Variants in VLDLR observed in about 807,000 individuals in gnomAD.
VLDLR encodes the protein very low density lipoprotein receptor.
VLDLR carries 81 observed loss-of-function variants against 112.7 expected under a neutral mutation model. The observed-to-expected ratio is 0.72, with a 90% CI of 0.60 to 0.86. The LOEUF is 0.86. Ranked by LOEUF, VLDLR falls within the 40% of genes least tolerant of loss-of-function variation. VLDLR has a pLI of 0.00. For synonymous variants in VLDLR, 436 were observed against 384.8 expected (o/e 1.13, Z -1.56); for missense variants, 1,237 against 1,099.4 (o/e 1.13, Z -1.77).
At position 2,645,080 on chromosome 9, in the gene VLDLR, T is replaced by C; in HGVS notation, c.1310T>C (p.Val437Ala). The C allele has an allele frequency of 6.2e-7, 1 of 1,614,140 alleles. No homozygotes were observed. Among genetic ancestry groups the C allele is most frequent in the Non-Finnish European group, 8.5e-7 (1 of 1,180,018 alleles). Residue 437 changes from valine (V) to alanine (A), a missense_variant and splice_region_variant, in exon 9 of 19, where the codon GTA (valine) becomes GCA (alanine). Val to Ala is a moderately conservative substitution (Grantham distance 64). Transcript: ENST00000382100. Reference sequence around the variant, plus strand: ...CTTGCTACTGGCGTGTGCAAGGCAGTAGGTAAATGAACTTGGACTGGTATG... The same window carrying C: ...CTTGCTACTGGCGTGTGCAAGGCAGCAGGTAAATGAACTTGGACTGGTATG... ...MDLATGVCKA[V>A]GKEPSLIFTN...
At position 2,648,261 on chromosome 9, in the gene VLDLR, A is replaced by T; in HGVS notation, c.1876A>T (p.Ser626Cys). ...WLDSKLHMLS[S>C]VDLNGQDRRI... ...TGATTCTAAGTTGCACATGTTATCCAGCGTGGACTTGAATGGCCAAGATCG... is the reference window on the plus strand; with the variant it reads ...TGATTCTAAGTTGCACATGTTATCCTGCGTGGACTTGAATGGCCAAGATCG... Residue 626 changes from serine to cysteine, a missense_variant, in exon 13 of 19, where the codon AGC becomes TGC. Ser to Cys is a moderately radical substitution (Grantham distance 112, BLOSUM62 -1). Coordinates refer to ENST00000382100, the MANE Select transcript of VLDLR (RefSeq NM_003383.5). 6.2e-7 allele frequency: 1 copy of T among 1,614,218 alleles called. No individual in the cohort carries two copies. Among genetic ancestry groups the T allele is most frequent in the East Asian group, 2.2e-5 (1 of 44,882 alleles).
At chr9:2,626,537 G>C (rs1817095759) in intron 1 of VLDLR, among the ~76,000 whole-genome samples, 1 of 152,200 alleles carries the variant, frequency 6.6e-6, no homozygotes, top group Non-Finnish European at 1.5e-5. Context: ...CTAAGCAAGA[G>C]AATGCCTGTT....
rs1818710639 is a variant in VLDLR, at chr9:2,659,107, A to G, written c.*5239A>G. On this transcript the variant is annotated 3_prime_UTR_variant, in exon 19 of 19. Coordinates refer to ENST00000382100, the MANE Select transcript of VLDLR (RefSeq NM_003383.5). ...TCCTTTAAATTCTTACCATATGCTT[A>G]CTTTTGTACTAAGTAAGTGCTCCCA... The G allele has an allele frequency of 1.3e-5, 2 of 152,216 alleles. No homozygotes were observed. The highest frequency in any genetic ancestry group is 6.5e-5 in the Admixed American group (1 of 15,278). 9.4% of individuals were successfully genotyped at this position (152,216 alleles called of 1,614,324 possible). A position where few individuals can be genotyped will look rare whatever the true frequency, so the allele number is the denominator to read the frequency against.
chr9:2,644,649 A>G, intron 7 of VLDLR, 85 bp from the exon 8 acceptor site: 1 of 1,592,378 alleles, frequency 6.3e-7, no homozygotes, highest in Non-Finnish European at 8.6e-7. Flanking sequence ...CAACTAGATA[A>G]GTTATCACAA....
Position 2,650,385 on chromosome 9 carries a change from A to G in VLDLR, c.2120A>G (p.Glu707Gly). 2 of 1,614,082 alleles carry G rather than the reference A, an allele frequency of 1.2e-6. No homozygotes were observed. Among genetic ancestry groups the G allele is most frequent in the Non-Finnish European group, 1.7e-6 (2 of 1,180,002 alleles). The change falls in exon 15 of 19, where the codon GAA becomes GGA. Residue 707 changes from glutamate (E) to glycine (G), a missense_variant. By Grantham distance (98) the Glu-to-Gly change is moderately conservative. Transcript: ENST00000382100. ...TCCTGACTAGGTAAAAATTGGTGTG[A>G]AGAAGACATGGAGAATGGAGGATGT... ...LVQPSGKNWC[E>G]EDMENGGCEY...
chr9:2,625,889 C>G (rs577736480), intron 1 of VLDLR, among the ~76,000 whole-genome samples: 2 of 152,306 alleles, frequency 1.3e-5, no homozygotes, highest in African/African-American at 4.8e-5. Context: ...GATAGTTTTT[C>G]TGAAGAGTTG....
At chr9:2,622,530 C>G (rs1816858964) in intron 1 of VLDLR, among the ~76,000 whole-genome samples, 1 of 152,226 alleles carries the variant, frequency 6.6e-6, no homozygotes, top group African/African-American at 2.4e-5. Flanking sequence ...ACTCCGCCTC[C>G]CCCAGAGCCG....
chr9:2,632,517 C>T (rs1817397291), intron 1 of VLDLR, among the ~76,000 whole-genome samples: 1 of 152,112 alleles, frequency 6.6e-6, no homozygotes, highest in Non-Finnish European at 1.5e-5. Flanking sequence ...AAGTATAATA[C>T]TGAATTTGAG....
intron 18 of VLDLR, 102 bp downstream of exon 18, chr9:2,653,051 C>CT: frequency 7.0e-7 from 1 of 1,429,262 alleles, no homozygotes; most frequent in Non-Finnish European, 9.8e-7. Context: ...ATGGAGTTAC[C>CT]AAACACTTCA....
Position 2,640,882 on chromosome 9 carries a change from G to A in VLDLR, c.326-495G>A, listed in dbSNP as rs573821159. Among the ~76,000 whole-genome samples, 4 of 152,338 alleles carry A rather than the reference G, an allele frequency of 2.6e-5. No individual in the cohort carries two copies. In the South Asian group the frequency reaches 8.3e-4, roughly 32 times the overall value. ...TTTTAGTGGAGAATGACCTGGTCAAGTCAAGCATTAGGGCATGCTTCTACT... is the reference window on the plus strand; with the variant it reads ...TTTTAGTGGAGAATGACCTGGTCAAATCAAGCATTAGGGCATGCTTCTACT... On this transcript the variant is annotated intron_variant, in intron 3 of 18. Transcript: ENST00000382100.
chr9:2,649,821 G>A (rs914490556), intron 14 of VLDLR, among the ~76,000 whole-genome samples: 3 of 152,094 alleles, frequency 2.0e-5, no homozygotes, highest in Non-Finnish European at 4.4e-5. Context: ...TTTTAGGGAG[G>A]AACACCATTC....
chr9:2,628,240 C>T lies in VLDLR; in HGVS notation c.82+5969C>T, dbSNP rs149946538. ...ATCTCCTTGGGTGATGGCTCTGTGA[C>T]AGGGACTATTATGAGAAAGCAGCCA... On this transcript the variant is annotated intron_variant, in intron 1 of 18. Coordinates refer to ENST00000382100, the MANE Select transcript of VLDLR (RefSeq NM_003383.5). Among the ~76,000 whole-genome samples, 13 of 152,210 alleles carry T rather than the reference C, an allele frequency of 8.5e-5. No homozygotes were observed. In the East Asian group the frequency reaches 2.5e-3, roughly 29 times the overall value.
intron 1 of VLDLR, among the ~76,000 whole-genome samples, chr9:2,630,754 G>C (rs1483890019): frequency 6.6e-6 from 1 of 152,172 alleles, no homozygotes; most frequent in Non-Finnish European, 1.5e-5. Context: ...TTTCCCTCTA[G>C]GACATTGGTC....
At chr9:2,628,770 G>A (rs1235495068) in intron 1 of VLDLR, among the ~76,000 whole-genome samples, 1 of 152,072 alleles carries the variant, frequency 6.6e-6, no homozygotes, top group African/African-American at 2.4e-5. Flanking sequence ...ACACAGGGAG[G>A]GAAGGATGGA....
At chr9:2,630,085 T>C (rs959466675) in intron 1 of VLDLR, among the ~76,000 whole-genome samples, 1 of 152,174 alleles carries the variant, frequency 6.6e-6, no homozygotes, top group Non-Finnish European at 1.5e-5. Context: ...TGAGCCACCG[T>C]GCCTGGCCCA....
At chr9:2,652,022 T>A (rs1818373783) in intron 17 of VLDLR, 68 bp downstream of exon 17, 2 of 1,489,872 alleles carry the variant, frequency 1.3e-6, no homozygotes, top group African/African-American at 2.8e-5. Context: ...TTTTTGTTCA[T>A]CTGGAGCTAC....
chr9:2,646,053 T>C (rs1054844110), intron 10 of VLDLR, among the ~76,000 whole-genome samples: 1 of 152,098 alleles, frequency 6.6e-6, no homozygotes, highest in Admixed American at 6.6e-5. Flanking sequence ...CTTTTCTTAA[T>C]GGGAACTATA....
chr9:2,649,137 T>C (rs1322550926), intron 14 of VLDLR, among the ~76,000 whole-genome samples: 1 of 152,214 alleles, frequency 6.6e-6, no homozygotes. Flanking sequence ...CTACAAGCTT[T>C]CTCTACTGTT....
At chr9:2,642,597 T>C (rs1246073049) in intron 4 of VLDLR, among the ~76,000 whole-genome samples, 2 of 152,212 alleles carry the variant, frequency 1.3e-5, no homozygotes, top group African/African-American at 4.8e-5. Flanking sequence ...GCATACCTGA[T>C]TGTTAAATGG....
Sources: gnomAD v4.1 joint callset for allele counts (sites outside exome capture counted in the v4.1 genomes callset) on GRCh38, gnomAD v4.1.1 for gene constraint, MANE v1.5 for transcripts, NCBI Gene and HGNC (gene_info 2026-07-23, HGNC 2026-07-21) for gene names.